The following PRKAR2B variants were observed in gnomAD, a reference collection of about 807,000 sequenced individuals.
The protein encoded by PRKAR2B is cAMP-dependent protein kinase type II-beta regulatory subunit.
A neutral mutation model predicts 49.9 loss-of-function variants in PRKAR2B; 14 were observed. That is an observed-to-expected ratio of 0.28 (90% CI 0.19 to 0.44). The LOEUF (loss-of-function observed/expected upper bound fraction) is 0.44, where lower values mean the gene tolerates loss of function less well. Ranked by LOEUF, PRKAR2B falls within the 20% of genes least tolerant of loss-of-function variation. PRKAR2B has a pLI of 1.00. For missense variants in PRKAR2B, 393 were observed against 537.9 expected, an observed-to-expected ratio of 0.73 and a Z score of 2.67; for synonymous variants, 196 against 197.7, an observed-to-expected ratio of 0.99 and a Z score of 0.07.
chr7:107,130,363 G>A (rs549734344), intron 4 of PRKAR2B, among the ~76,000 whole-genome samples: 20 of 151,980 alleles, frequency 1.3e-4, no homozygotes, highest in African/African-American at 3.9e-4. Context: ...TTAGCCGGGC[G>A]TGGTGGCGGG....
intron 1 of PRKAR2B, among the ~76,000 whole-genome samples, chr7:107,045,724 C>A (rs148169022): frequency 8.0e-4 from 122 of 152,274 alleles, no homozygotes; most frequent in African/African-American, 2.8e-3. Flanking sequence ...ATTGGACTCA[C>A]TGGGGCAGAA....
intron 4 of PRKAR2B, among the ~76,000 whole-genome samples, chr7:107,129,904 T>G (rs992523623): frequency 6.6e-6 from 1 of 152,134 alleles, no homozygotes; most frequent in Non-Finnish European, 1.5e-5. Flanking sequence ...TCGACTTTGG[T>G]GGGTTTTGGC....
At chr7:107,158,031 TA>T (rs998389586) in intron 10 of PRKAR2B, among the ~76,000 whole-genome samples, 1 of 152,206 alleles carries the variant, frequency 6.6e-6, no homozygotes, top group Non-Finnish European at 1.5e-5. Context: ...CAAGGATCCT[TA>T]GAATTAACTT....
intron 2 of PRKAR2B, among the ~76,000 whole-genome samples, chr7:107,118,057 T>A (rs983973796): frequency 2.0e-5 from 3 of 152,170 alleles, no homozygotes; most frequent in Non-Finnish European, 4.4e-5. Context: ...AATTTCAGAT[T>A]GCGTAGGAGG....
chr7:107,061,191 T>G (rs1794020237), intron 1 of PRKAR2B, among the ~76,000 whole-genome samples: 1 of 152,142 alleles, frequency 6.6e-6, no homozygotes, highest in Admixed American at 6.5e-5. Context: ...CTTTTTTTTT[T>G]GCTTTAAAAT....
chr7:107,048,909 A>T (rs937360184), intron 1 of PRKAR2B, among the ~76,000 whole-genome samples: 2 of 152,230 alleles, frequency 1.3e-5, no homozygotes, highest in Admixed American at 1.3e-4. Flanking sequence ...TTTCTAGGGA[A>T]ACTCTCAAAG....
chr7:107,054,129 C>T (rs578073580), intron 1 of PRKAR2B, among the ~76,000 whole-genome samples: 2 of 152,226 alleles, frequency 1.3e-5, no homozygotes, highest in South Asian at 2.1e-4. Flanking sequence ...GCGGGCGAAT[C>T]ATGAGGTCAG....
intron 2 of PRKAR2B, among the ~76,000 whole-genome samples, chr7:107,093,219 T>C (rs1794764922): frequency 4.6e-5 from 7 of 152,218 alleles, no homozygotes; most frequent in Admixed American, 3.9e-4. Flanking sequence ...TGCTTTCAGT[T>C]CTTTTAGGTA....
intron 4 of PRKAR2B, among the ~76,000 whole-genome samples, chr7:107,130,602 C>G (rs1293608055): frequency 6.6e-6 from 1 of 152,166 alleles, no homozygotes; most frequent in Middle Eastern, 3.2e-3. Context: ...TTCAGAGTGG[C>G]CCTGATAGAT....
chr7:107,095,428 T>C (rs918913594), intron 2 of PRKAR2B, among the ~76,000 whole-genome samples: 1 of 152,228 alleles, frequency 6.6e-6, no homozygotes, highest in Non-Finnish European at 1.5e-5. Context: ...TTTCTAAATA[T>C]AAAATCATGT....
chr7:107,144,514 G>A (rs1048566559), intron 5 of PRKAR2B, among the ~76,000 whole-genome samples: 1 of 152,094 alleles, frequency 6.6e-6, no homozygotes, highest in Non-Finnish European at 1.5e-5. Context: ...AGGCTCGAGT[G>A]CAGTGGTGCA....
At position 107,146,326 on chromosome 7, in the gene PRKAR2B, T is replaced by C. The variant is rs1795892050; in HGVS notation, c.606T>C (p.Tyr202=). 2 of 1,613,988 alleles carry C rather than the reference T, an allele frequency of 1.2e-6. No individual in the cohort carries two copies. The highest frequency in any genetic ancestry group is 2.2e-5 in the South Asian group (2 of 91,068). The change falls in exon 6 of 11, where the codon TAT becomes TAC. Residue 202 remains tyrosine, a synonymous_variant. Transcript: ENST00000265717. ...CCAACAGAGGCACATTTGATATTTATGTGAAATGTGATGGTGTTGGAAGAT... is the reference window on the plus strand; with the variant it reads ...CCAACAGAGGCACATTTGATATTTACGTGAAATGTGATGGTGTTGGAAGAT... The part of the protein sequence containing the change: ...YVIDRGTFDI[Y]VKCDGVGRCV...
chr7:107,076,898 A>G (rs187916994), intron 2 of PRKAR2B, among the ~76,000 whole-genome samples: 120 of 152,328 alleles, frequency 7.9e-4, no homozygotes, highest in Non-Finnish European at 5.0e-4. Context: ...CCAAGAAATT[A>G]GTGAAATAGC....
intron 2 of PRKAR2B, chr7:107,091,847 T>C (rs1461909266): frequency 2.6e-5 from 4 of 152,088 alleles, no homozygotes; most frequent in African/African-American, 9.7e-5. Flanking sequence ...TTATCACCCA[T>C]GTAAGATGCG....
At chr7:107,129,126 A>G (rs1194410930) in intron 4 of PRKAR2B, 2 of 152,218 alleles carry the variant, frequency 1.3e-5, no homozygotes, top group African/African-American at 4.8e-5. Context: ...TCTTTTTAAA[A>G]TGAGGTCTTC....
intron 4 of PRKAR2B, among the ~76,000 whole-genome samples, chr7:107,136,478 G>C (rs979693041): frequency 6.6e-6 from 1 of 152,080 alleles, no homozygotes; most frequent in Admixed American, 6.6e-5. Flanking sequence ...TAAACCATCA[G>C]ATTAAAAAAT....
At chr7:107,099,102 C>T (rs1794905234) in intron 2 of PRKAR2B, among the ~76,000 whole-genome samples, 1 of 152,162 alleles carries the variant, frequency 6.6e-6, no homozygotes. Context: ...TCAGCTATGC[C>T]CTGCTGCCAG....
At chr7:107,074,701 G>A (rs1452240322) in intron 2 of PRKAR2B, among the ~76,000 whole-genome samples, 1 of 152,072 alleles carries the variant, frequency 6.6e-6, no homozygotes, top group Non-Finnish European at 1.5e-5. Context: ...GGGAAGCTGA[G>A]GCGGGAGAAT....
At chr7:107,148,145 C>T (rs1010053680) in intron 6 of PRKAR2B, among the ~76,000 whole-genome samples, 6 of 152,178 alleles carry the variant, frequency 3.9e-5, no homozygotes, top group African/African-American at 1.4e-4. Context: ...CCAGGACAGT[C>T]CTTCACCCAC....
Sources: gnomAD v4.1 joint callset for allele counts (sites outside exome capture counted in the v4.1 genomes callset) on GRCh38, gnomAD v4.1.1 for gene constraint, MANE v1.5 for transcripts, NCBI Gene and HGNC (gene_info 2026-07-23, HGNC 2026-07-21) for gene names.